Variants in OTUB2 observed in about 807,000 individuals in gnomAD.
OTUB2 encodes ubiquitin thioesterase OTUB2.
Under a neutral mutation model 25.1 loss-of-function variants are expected in OTUB2, and 21 were observed. The ratio of observed to expected loss-of-function variants is 0.84; its 90% CI spans 0.59 to 1.21. OTUB2 has a LOEUF of 1.21. Among genes scored for constraint, OTUB2 ranks in the 50% most tolerant of loss-of-function variants. The probability of loss-of-function intolerance (pLI) is 0.00; values close to 1 mark genes in which losing one functional copy is unlikely to be tolerated. For missense variants in OTUB2, 283 were observed against 298.0 expected (o/e 0.95, Z 0.37); for synonymous variants, 122 against 122.8 (o/e 0.99, Z 0.04).
In OTUB2 at chr14:94,035,292, T is replaced by C. The variant is rs568977364; in HGVS notation, c.4-2088T>C. ...GTTCTTTTTTTTTTCTTTTCTTTTT[T>C]TTTTTTTTTTTTTTTGAGACAGAGT... is the stretch of plus-strand genomic sequence containing the variant. On this transcript the variant is annotated intron_variant, in intron 1 of 5. Transcript: ENST00000203664. Among the ~76,000 whole-genome samples the C allele has an allele frequency of 3.5e-3, 486 of 138,942 alleles. 3 individuals are homozygous for C. The highest frequency in any genetic ancestry group is 0.012 in the African/African-American group (439 of 37,130). The allele number at this position is 138,942 out of a possible 152,430, so 91.2% of individuals were successfully genotyped here.
chr14:94,026,992 T>A (rs559138273), intron 1 of OTUB2, among the ~76,000 whole-genome samples: 1 of 152,208 alleles, frequency 6.6e-6, no homozygotes, highest in South Asian at 2.1e-4. Context: ...CAAGGGAGGA[T>A]CTAGGGGTTG....
At position 94,044,652 on chromosome 14, in the gene OTUB2, G is replaced by C; in HGVS notation, c.370G>C (p.Asp124His). The C allele has an allele frequency of 6.2e-7, 1 of 1,614,168 alleles. No homozygotes were observed. Reference protein sequence around the residue: ...SVSSLLKVFNDQSASDHIVQF... With the variant: ...SVSSLLKVFNHQSASDHIVQF... ...GTCCAGCCTGCTGAAGGTGTTCAAC[G>C]ACCAGAGTGCCTCGGACCACATCGT... Residue 124 changes from aspartate (D) to histidine (H), a missense_variant, in exon 5 of 6, where the codon GAC (aspartate) becomes CAC (histidine). Transcript: ENST00000203664.
intron 3 of OTUB2, among the ~76,000 whole-genome samples, 160 bp from the exon 4 acceptor site, chr14:94,043,811 G>A (rs745692931): frequency 2.6e-5 from 4 of 152,226 alleles, no homozygotes; most frequent in Non-Finnish European, 5.9e-5. Flanking sequence ...AGATGTGCAC[G>A]GTGCATGTGG....
In OTUB2 at chr14:94,045,327, C is replaced by A. The variant is rs1885250662; in HGVS notation, c.499-389C>A. On this transcript the variant is annotated intron_variant, in intron 5 of 5. Coordinates refer to ENST00000203664, the MANE Select transcript of OTUB2 (RefSeq NM_023112.4). ...GCACCCTCACTCACCAGCCTAGCCT[C>A]TGTAAACACTTAAGCTTGAAAGGCA... 2.6e-5 allele frequency among the ~76,000 whole-genome samples: 4 copies of A among 152,130 alleles called. No homozygotes were observed. In the South Asian group the frequency reaches 8.3e-4, roughly 32 times the overall value.
intron 1 of OTUB2, among the ~76,000 whole-genome samples, chr14:94,031,098 C>T (rs558554403): frequency 7.4e-4 from 112 of 152,242 alleles, no homozygotes; most frequent in Non-Finnish European, 1.2e-3. Flanking sequence ...CGATTATCAT[C>T]GCTCACCTCA....
At chr14:94,028,472 T>G (rs1157804082) in intron 1 of OTUB2, among the ~76,000 whole-genome samples, 2 of 152,100 alleles carry the variant, frequency 1.3e-5, no homozygotes, top group African/African-American at 2.4e-5. Flanking sequence ...CTTGGGAAGG[T>G]AGGGGTGAGA....
At chr14:94,035,286 C>CTTTTTTTTTTTTTT (rs761154708) in intron 1 of OTUB2, among the ~76,000 whole-genome samples, 11 of 104,036 alleles carry the variant, frequency 1.1e-4, no homozygotes, top group Admixed American at 2.3e-4. Context: ...TTTTTCTTTT[C>CTTTTTTTTTTTTTT]TTTTTTTTTT....
chr14:94,037,630 G>A (rs1885081984), intron 2 of OTUB2, among the ~76,000 whole-genome samples, 155 bp downstream of exon 2: 1 of 149,730 alleles, frequency 6.7e-6, no homozygotes. Flanking sequence ...ATTTGCCTTA[G>A]CGATAAATCC....
intron 3 of OTUB2, among the ~76,000 whole-genome samples, chr14:94,042,279 C>T (rs1057202733): frequency 2.6e-5 from 4 of 152,142 alleles, no homozygotes; most frequent in Admixed American, 2.6e-4. Context: ...GCAGCCCCAG[C>T]GGTCTGAACT....
chr14:94,031,475 C>T (rs552280552), intron 1 of OTUB2, among the ~76,000 whole-genome samples: 3 of 152,158 alleles, frequency 2.0e-5, no homozygotes, highest in Admixed American at 2.0e-4. Context: ...CTCGTACTTT[C>T]CCTAAATTTG....
At chr14:94,043,854 CG>C in intron 3 of OTUB2, 116 bp from the exon 4 acceptor site, 1 of 890,370 alleles carries the variant, frequency 1.1e-6, no homozygotes. Flanking sequence ...GGAGGTTCTG[CG>C]GCTGGACTAG....
Position 94,038,054 on chromosome 14 carries a change from T to C in OTUB2, c.99+579T>C, listed in dbSNP as rs183245306. Among the ~76,000 whole-genome samples, 24 of 152,386 alleles carry C rather than the reference T, an allele frequency of 1.6e-4. No homozygotes were observed. In the East Asian group the frequency reaches 3.9e-3, roughly 24 times the overall value. On this transcript the variant is annotated intron_variant, in intron 2 of 5. Coordinates refer to ENST00000203664, the MANE Select transcript of OTUB2 (RefSeq NM_023112.4). ...GCTCTCTGCACTCTGCAGGTCTTCC[T>C]CTCGCTGCAGGACAGGCTTGCTCTG...
At chr14:94,040,080 C>G (rs544268747) in intron 3 of OTUB2, among the ~76,000 whole-genome samples, 1 of 152,118 alleles carries the variant, frequency 6.6e-6, no homozygotes, top group Non-Finnish European at 1.5e-5. Context: ...ACAATCAAAA[C>G]TGCCTGCAGA....
chr14:94,026,503 C>T lies in OTUB2; in HGVS notation c.-35C>T. The T allele has an allele frequency of 7.7e-7, 1 of 1,302,664 alleles. No homozygotes were observed. Among genetic ancestry groups the T allele is most frequent in the Non-Finnish European group, 9.8e-7 (1 of 1,018,816 alleles). 80.7% of individuals were successfully genotyped at this position (1,302,664 alleles called of 1,614,324 possible). ...CATTCCCGCACCGGATCGCTCCTCG[C>T]TGGGGCGGGACCTGGCCTGGCGGCT... On this transcript the variant is annotated 5_prime_UTR_variant, in exon 1 of 6. Coordinates refer to ENST00000203664, the MANE Select transcript of OTUB2 (RefSeq NM_023112.4).
rs188737458 is a variant in OTUB2, at chr14:94,031,493, G to A, written c.3+4953G>A. Among the ~76,000 whole-genome samples, 76 of 152,170 alleles carry A rather than the reference G, an allele frequency of 5.0e-4. 1 individual carries two copies. Among genetic ancestry groups the A allele is most frequent in the Admixed American group, 2.0e-3 (30 of 15,286 alleles). On this transcript the variant is annotated intron_variant, in intron 1 of 5. Coordinates refer to ENST00000203664, the MANE Select transcript of OTUB2 (RefSeq NM_023112.4). ...GTACTTTCCCTAAATTTGGAGGTGG[G>A]GCTCGGTACATGGATTAGGGATGGG...
chr14:94,026,880 G>C (rs1040887748), intron 1 of OTUB2, among the ~76,000 whole-genome samples: 3 of 152,172 alleles, frequency 2.0e-5, no homozygotes, highest in Non-Finnish European at 4.4e-5. Context: ...GCAGCACTAC[G>C]GGTCGCCTCC....
In OTUB2 at chr14:94,045,803, G is replaced by A. The variant is rs139056787; in HGVS notation, c.586G>A (p.Val196Met). 36 of 1,614,104 alleles carry A rather than the reference G, an allele frequency of 2.2e-5. No individual in the cohort carries two copies. Among genetic ancestry groups the A allele is most frequent in the African/African-American group, 1.1e-4 (8 of 74,922 alleles). Residue 196 changes from valine to methionine, a missense_variant, in exon 6 of 6, where the codon GTG becomes ATG. Physicochemically the swap from Val to Met is conservative, Grantham distance 21 (BLOSUM62 1). Transcript: ENST00000203664. ...GAGCATTGCCCTGCAAGTGGAGTAC[G>A]TGGACGAGATGGATACCGCCCTGAA... ...ALSIALQVEY[V>M]DEMDTALNHH...
At chr14:94,040,162 C>T (rs1313947094) in intron 3 of OTUB2, among the ~76,000 whole-genome samples, 2 of 152,176 alleles carry the variant, frequency 1.3e-5, no homozygotes, top group African/African-American at 4.8e-5. Flanking sequence ...TTAAGGCCAT[C>T]GTCTCCTGTT....
At chr14:94,033,352 T>G (rs985788582) in intron 1 of OTUB2, among the ~76,000 whole-genome samples, 15 of 152,248 alleles carry the variant, frequency 9.9e-5, no homozygotes, top group Admixed American at 3.9e-4. Flanking sequence ...TAATCCACCT[T>G]TAAATATTCC....
Sources: allele counts gnomAD v4.1 joint callset (sites outside exome capture counted in the v4.1 genomes callset), GRCh38; gene constraint gnomAD v4.1.1; transcripts MANE v1.5; gene names NCBI Gene and HGNC (gene_info 2026-07-23, HGNC 2026-07-21).